RPH3A: variants seen among roughly 807,000 people sequenced by gnomAD.
The protein encoded by RPH3A is rabphilin 3A, also known as rabphilin-3A.
RPH3A carries 48 observed loss-of-function variants against 102.2 expected under a neutral mutation model. The observed-to-expected ratio is 0.47, with a 90% CI of 0.37 to 0.60. The LOEUF is 0.60. Ranked by LOEUF, RPH3A falls within the 20% of genes least tolerant of loss-of-function variation. The pLI, the probability that RPH3A is intolerant of heterozygous loss-of-function variation, is 0.00. For synonymous variants in RPH3A, 310 were observed against 324.3 expected, an observed-to-expected ratio of 0.96 and a Z score of 0.47; for missense variants, 781 against 910.1, an observed-to-expected ratio of 0.86 and a Z score of 1.83.
intron 1 of RPH3A, among the ~76,000 whole-genome samples, chr12:112,592,435 C>T (rs1049418730): frequency 5.3e-5 from 8 of 152,170 alleles, no homozygotes; most frequent in Admixed American, 3.9e-4. Flanking sequence ...TCTTCTGCCT[C>T]AGCTTCCCAA....
chr12:112,601,152 C>T (rs1592901514), intron 1 of RPH3A, among the ~76,000 whole-genome samples: 1 of 152,166 alleles, frequency 6.6e-6, no homozygotes, highest in South Asian at 2.1e-4. Flanking sequence ...AGAGCCAAAT[C>T]GTATCAGTAG....
rs141527021 is a variant in RPH3A at position 112,871,801 on chromosome 12, G to A, written c.796+1762G>A. Among the ~76,000 whole-genome samples, 909 of 147,722 alleles carry A rather than the reference G, an allele frequency of 6.2e-3. 4 individuals are homozygous for A. The highest frequency in any genetic ancestry group is 0.025 in the Middle Eastern group (7 of 278). ...ATAAAATATACAATATACAGTATACGTTATATATTATATACATATAGTGTA... is the reference window on the plus strand; with the variant it reads ...ATAAAATATACAATATACAGTATACATTATATATTATATACATATAGTGTA... On this transcript the variant is annotated intron_variant, in intron 10 of 21. Transcript: ENST00000389385.
At position 112,748,975 on chromosome 12, in the gene RPH3A, T is replaced by C. The variant is rs548702221; in HGVS notation, c.-139-43168T>C. ...TTTTGGTCTCTCTTGAAAAATCAGA[T>C]GATCTGGCAACACTGGGATCCTTGA... On this transcript the variant is annotated intron_variant, in intron 1 of 21. Coordinates refer to the RPH3A transcript ENST00000543106. Among the ~76,000 whole-genome samples the C allele has an allele frequency of 3.3e-5, 5 of 152,276 alleles. No individual in the cohort carries two copies. In the East Asian group the frequency reaches 9.6e-4, roughly 29 times the overall value.
chr12:112,825,732 G>T (rs1014744452), intron 2 of RPH3A, among the ~76,000 whole-genome samples: 3 of 152,042 alleles, frequency 2.0e-5, no homozygotes, highest in Middle Eastern at 3.2e-3. Context: ...AACGGAAAAA[G>T]TTCCGCACGG....
intron 1 of RPH3A, among the ~76,000 whole-genome samples, chr12:112,724,826 AG>A (rs1210159893): frequency 6.6e-6 from 1 of 151,898 alleles, no homozygotes; most frequent in African/African-American, 2.4e-5. Flanking sequence ...AAAATTAGCC[AG>A]GCGTGGTGAC....
intron 1 of RPH3A, among the ~76,000 whole-genome samples, chr12:112,658,796 A>G (rs937410036): frequency 1.3e-5 from 2 of 152,208 alleles, no homozygotes; most frequent in African/African-American, 4.8e-5. Flanking sequence ...GGCAAGATCA[A>G]TTTGTTGATA....
intron 1 of RPH3A, among the ~76,000 whole-genome samples, chr12:112,752,283 G>A (rs1047505628): frequency 5.9e-5 from 9 of 152,062 alleles, no homozygotes; most frequent in Non-Finnish European, 1.3e-4. Flanking sequence ...CTCATAGAAA[G>A]GATTTTTTCA....
intron 1 of RPH3A, among the ~76,000 whole-genome samples, chr12:112,714,937 C>T (rs1017323810): frequency 6.6e-6 from 1 of 152,158 alleles, no homozygotes; most frequent in Admixed American, 6.5e-5. Context: ...AATTACTTCC[C>T]TTTTCTTCTC....
At chr12:112,851,471 T>A (rs2042321405) in intron 5 of RPH3A, among the ~76,000 whole-genome samples, 1 of 152,228 alleles carries the variant, frequency 6.6e-6, no homozygotes, top group Admixed American at 6.5e-5. Context: ...TCAGCTCTTA[T>A]TAACCTGTCT....
At chr12:112,756,233 G>A (rs957862939) in intron 1 of RPH3A, among the ~76,000 whole-genome samples, 1 of 150,526 alleles carries the variant, frequency 6.6e-6, no homozygotes, top group Non-Finnish European at 1.5e-5. Context: ...TTTTTTTTGA[G>A]ATGGAGTTTC....
chr12:112,585,355 G>A (rs1325466039), intron 1 of RPH3A, among the ~76,000 whole-genome samples: 1 of 152,212 alleles, frequency 6.6e-6, no homozygotes, highest in Non-Finnish European at 1.5e-5. Flanking sequence ...TTTCTTTGAT[G>A]ATTTCCCACA....
rs769386460 is a variant in RPH3A, at chr12:112,887,901, T to A, written c.1541T>A (p.Ile514Asn). 8.1e-6 allele frequency: 13 copies of A among 1,613,720 alleles called. No individual in the cohort carries two copies. The South Asian group carries it at 1.2e-4, about 15-fold the overall frequency. The change falls in exon 17 of 22, where the codon ATC becomes AAC. Residue 514 changes from isoleucine to asparagine, a missense_variant. Ile to Asn is a moderately radical substitution (Grantham distance 149, BLOSUM62 -3). Transcript: ENST00000389385. The stretch of plus-strand genomic sequence containing the variant: ...CCCAACCAGAGGAAGAATTTCAACA[T>A]CTGCCTGGAGCGAGTGATTCCTGTG... ...LKPNQRKNFN[I>N]CLERVIPMKR...
chr12:112,680,033 G>GT (rs1169918908), intron 1 of RPH3A, among the ~76,000 whole-genome samples: 2 of 152,210 alleles, frequency 1.3e-5, no homozygotes, highest in Non-Finnish European at 2.9e-5. Flanking sequence ...GCAGAGGGAA[G>GT]TATGTTCCAG....
At position 112,614,607 on chromosome 12, in the gene RPH3A, G is replaced by C. The variant is rs1297035475; in HGVS notation, c.-140+39288G>C. On this transcript the variant is annotated intron_variant, in intron 1 of 21. Coordinates refer to the RPH3A transcript ENST00000543106. ...GGAGGCTGAGGTGAGAGAATCTCCT[G>C]AGCCCGGGAAGTCCAGGCTGCAGTG... Among the ~76,000 whole-genome samples the C allele has an allele frequency of 2.8e-5, 4 of 144,370 alleles. No homozygotes were observed. The Admixed American group carries it at 2.9e-4, about 11-fold the overall frequency. The allele number at this position is 144,370 out of a possible 152,430, so 94.7% of individuals were successfully genotyped here.
intron 1 of RPH3A, among the ~76,000 whole-genome samples, chr12:112,592,223 A>C (rs141756428): frequency 5.6e-4 from 85 of 152,308 alleles, no homozygotes; most frequent in Non-Finnish European, 1.1e-3. Flanking sequence ...CCAAAAATAC[A>C]AAAATTAGCC....
At chr12:112,691,303 C>A (rs1259435568) in intron 1 of RPH3A, among the ~76,000 whole-genome samples, 1 of 152,102 alleles carries the variant, frequency 6.6e-6, no homozygotes, top group Non-Finnish European at 1.5e-5. Flanking sequence ...TGAGCCACCG[C>A]GCCCAGCCTT....
chr12:112,689,954 T>C (rs2040294071), intron 1 of RPH3A, among the ~76,000 whole-genome samples: 2 of 152,348 alleles, frequency 1.3e-5, no homozygotes, highest in South Asian at 4.1e-4. Context: ...AATCGTGGGT[T>C]CCATACACTT....
chr12:112,672,374 G>T (rs760413233), intron 1 of RPH3A, among the ~76,000 whole-genome samples: 12 of 152,188 alleles, frequency 7.9e-5, no homozygotes, highest in Non-Finnish European at 1.3e-4. Context: ...TAAAACAAAT[G>T]GTTCCACAGC....
intron 1 of RPH3A, among the ~76,000 whole-genome samples, chr12:112,590,365 C>G (rs563439372): frequency 6.6e-6 from 1 of 152,196 alleles, no homozygotes; most frequent in African/African-American, 2.4e-5. Context: ...GTTCCAGTCT[C>G]GACTCAATCA....
Sources: gnomAD v4.1 joint callset for allele counts (sites outside exome capture counted in the v4.1 genomes callset) on GRCh38, gnomAD v4.1.1 for gene constraint, MANE v1.5 for transcripts, NCBI Gene and HGNC (gene_info 2026-07-23, HGNC 2026-07-21) for gene names.